The following KLHL29 variants were observed in gnomAD, a reference collection of about 807,000 sequenced individuals.
KLHL29 encodes the protein kelch like family member 29.
A neutral mutation model predicts 80.4 loss-of-function variants in KLHL29; 21 were observed. The ratio of observed to expected loss-of-function variants is 0.26; its 90% CI spans 0.19 to 0.38. The LOEUF (loss-of-function observed/expected upper bound fraction) is 0.38, where lower values mean the gene tolerates loss of function less well. Ranked by LOEUF, KLHL29 falls within the 10% of genes least tolerant of loss-of-function variation. KLHL29 has a pLI of 1.00. For missense variants in KLHL29, 867 were observed against 1,223.9 expected (o/e 0.71, Z 4.35); for synonymous variants, 511 against 526.8 (o/e 0.97, Z 0.41).
At chr2:23,428,914 G>A (rs2103406973) in intron 1 of KLHL29, among the ~76,000 whole-genome samples, 1 of 152,266 alleles carries the variant, frequency 6.6e-6, no homozygotes, top group Admixed American at 6.5e-5. Flanking sequence ...TATATAGAAA[G>A]TTCTACACCA....
At chr2:23,434,320 CAAAAAAAAAAAA>C (rs34991893) in intron 1 of KLHL29, among the ~76,000 whole-genome samples, 2 of 54,912 alleles carry the variant, frequency 3.6e-5, no homozygotes, top group African/African-American at 1.6e-4. Flanking sequence ...GACTCCGTCT[CAAAAAAAAAAAA>C]AAAAAAAAAA....
In KLHL29 at chr2:23,511,343, C is replaced by A. The variant is rs576123653; in HGVS notation, c.-46+35676C>A. Among the ~76,000 whole-genome samples, 5 of 152,324 alleles carry A rather than the reference C, an allele frequency of 3.3e-5. No individual in the cohort carries two copies. The East Asian group carries it at 7.7e-4, about 23-fold the overall frequency. ...TCAAGGAGCTCCCTAGTCAAGGAATCAAGACCTGCACAAGACAATCAGAGA... is the reference window on the plus strand; with the variant it reads ...TCAAGGAGCTCCCTAGTCAAGGAATAAAGACCTGCACAAGACAATCAGAGA... On this transcript the variant is annotated intron_variant, in intron 2 of 13. Transcript: ENST00000486442.
chr2:23,600,069 T>C (rs1668530929), intron 3 of KLHL29, among the ~76,000 whole-genome samples: 1 of 152,196 alleles, frequency 6.6e-6, no homozygotes, highest in South Asian at 2.1e-4. Flanking sequence ...GAAGAGGACA[T>C]GTATCCGCAT....
intron 5 of KLHL29, among the ~76,000 whole-genome samples, chr2:23,675,303 GCCCATGGCCTT>G (rs113906093): frequency 0.025 from 3,794 of 152,244 alleles, 84 homozygotes; most frequent in African/African-American, 0.054. Flanking sequence ...CATGGAATTT[GCCCATGGCCTT>G]CCCTGCTCAG....
intron 5 of KLHL29, among the ~76,000 whole-genome samples, chr2:23,679,008 CAACTG>C (rs1671000687): frequency 6.8e-6 from 1 of 147,100 alleles, no homozygotes. Flanking sequence ...ATACTTAACA[CAACTG>C]AACTGGACAC....
chr2:23,407,105 T>C (rs2103392516), intron 1 of KLHL29, among the ~76,000 whole-genome samples: 1 of 152,360 alleles, frequency 6.6e-6, no homozygotes, highest in African/African-American at 2.4e-5. Flanking sequence ...TTATATTCTG[T>C]TATATTAATG....
intron 13 of KLHL29, among the ~76,000 whole-genome samples, chr2:23,704,246 G>T (rs1274772214): frequency 6.6e-6 from 1 of 152,202 alleles, no homozygotes; most frequent in Non-Finnish European, 1.5e-5. Flanking sequence ...GTGACTTCTT[G>T]GGGGAATGCT....
chr2:23,543,512 A>C (rs1452757716), intron 2 of KLHL29, among the ~76,000 whole-genome samples: 2 of 152,164 alleles, frequency 1.3e-5, no homozygotes, highest in Non-Finnish European at 1.5e-5. Flanking sequence ...GTTTATGCAA[A>C]TAGCAGACCA....
At chr2:23,568,119 A>G (rs1185880381) in intron 3 of KLHL29, among the ~76,000 whole-genome samples, 2 of 152,154 alleles carry the variant, frequency 1.3e-5, no homozygotes, top group African/African-American at 4.8e-5. Flanking sequence ...CCCGAACTTA[A>G]ATTTCTGATT....
chr2:23,589,683 T>A (rs2103515108), intron 3 of KLHL29, among the ~76,000 whole-genome samples: 1 of 152,316 alleles, frequency 6.6e-6, no homozygotes, highest in South Asian at 2.1e-4. Context: ...AGTAGGCTTT[T>A]CCTCTCTGCC....
chr2:23,696,156 C>A lies in KLHL29; in HGVS notation c.1924+23C>A. The A allele has an allele frequency of 6.5e-7, 1 of 1,545,260 alleles. No individual in the cohort carries two copies. Among genetic ancestry groups the A allele is most frequent in the Non-Finnish European group, 8.7e-7 (1 of 1,143,160 alleles). ...CAGGTGAGGCCCCCCGGGGTTGGGG[C>A]GGGACCAGGCATGGGGGTCCCAAGG... On this transcript the variant is annotated intron_variant, in intron 10 of 13. Transcript: ENST00000486442. The surrounding 1 kb of genome is among the most constrained non-coding windows in gnomAD (Gnocchi z 5.5).
At chr2:23,601,175 A>C (rs1401677225) in intron 3 of KLHL29, among the ~76,000 whole-genome samples, 1 of 152,186 alleles carries the variant, frequency 6.6e-6, no homozygotes, top group Non-Finnish European at 1.5e-5. Flanking sequence ...CTCACGCTCC[A>C]AGACCGCACA....
Position 23,700,536 on chromosome 2 carries a change from A to T in KLHL29, c.2106-2650A>T, listed in dbSNP as rs1300812917. Among the ~76,000 whole-genome samples the T allele has an allele frequency of 6.6e-6, 1 of 152,176 alleles. No individual in the cohort carries two copies. Among genetic ancestry groups the T allele is most frequent in the African/African-American group, 2.4e-5 (1 of 41,432 alleles). ...TCCCTATGGTAGCTTGAAATCAGCC[A>T]AGTGGGAGGAGTGACATCGCAGAAA... On this transcript the variant is annotated intron_variant, in intron 11 of 13. Coordinates refer to ENST00000486442, the MANE Select transcript of KLHL29 (RefSeq NM_052920.2). The surrounding 1 kb of genome is among the most constrained non-coding windows in gnomAD (Gnocchi z 4.6).
chr2:23,675,247 C>T (rs770348964), intron 5 of KLHL29, among the ~76,000 whole-genome samples: 4 of 152,184 alleles, frequency 2.6e-5, no homozygotes, highest in East Asian at 1.9e-4. Context: ...GGAGGGACTA[C>T]GTGCTGCTAG....
intron 1 of KLHL29, among the ~76,000 whole-genome samples, chr2:23,389,438 C>T (rs1210345409): frequency 6.6e-6 from 1 of 152,106 alleles, no homozygotes; most frequent in African/African-American, 2.4e-5. Context: ...GAATTATAAC[C>T]AACTTTGTGA....
At chr2:23,651,200 A>G (rs899034937) in intron 5 of KLHL29, among the ~76,000 whole-genome samples, 1 of 152,232 alleles carries the variant, frequency 6.6e-6, no homozygotes, top group Non-Finnish European at 1.5e-5. Flanking sequence ...TTTAAAAAAG[A>G]ATATATGTTT....
intron 3 of KLHL29, among the ~76,000 whole-genome samples, chr2:23,626,455 C>T (rs1669310990): frequency 2.0e-5 from 3 of 152,220 alleles, no homozygotes; most frequent in Non-Finnish European, 4.4e-5. Context: ...CTGACTAATG[C>T]AGTGAGGAGC....
chr2:23,623,144 C>T (rs958182960), intron 3 of KLHL29, among the ~76,000 whole-genome samples: 6 of 152,144 alleles, frequency 3.9e-5, no homozygotes, highest in South Asian at 2.1e-4. Flanking sequence ...GGGTCTTAGA[C>T]GGGACATGTC....
chr2:23,419,653 G>A (rs907130255), intron 1 of KLHL29, among the ~76,000 whole-genome samples: 1 of 152,150 alleles, frequency 6.6e-6, no homozygotes, highest in African/African-American at 2.4e-5. Flanking sequence ...AATGTCGAGC[G>A]GAATGAGTCC....
Sources: gnomAD v4.1 joint callset for allele counts (sites outside exome capture counted in the v4.1 genomes callset) on GRCh38, gnomAD v4.1.1 for gene constraint, Gnocchi (gnomAD v3.1) non-coding constraint, MANE v1.5 for transcripts, NCBI Gene and HGNC (gene_info 2026-07-23, HGNC 2026-07-21) for gene names.